Variants in GPC5 observed in about 807,000 individuals in gnomAD.
GPC5 encodes glypican 5, also known as glypican-5.
A neutral mutation model predicts 53.9 loss-of-function variants in GPC5; 47 were observed. The observed-to-expected ratio is 0.87, with a 90% CI of 0.69 to 1.11. The LOEUF (loss-of-function observed/expected upper bound fraction) is 1.11, where lower values mean the gene tolerates loss of function less well. Ranked by LOEUF, GPC5 falls within the 50% of genes most tolerant of loss-of-function variation. The pLI is 0.00. For missense variants in GPC5, 748 were observed against 713.1 expected (o/e 1.05, Z -0.56); for synonymous variants, 286 against 263.3 (o/e 1.09, Z -0.84).
chr13:91,516,900 C>T (rs1359586286), intron 2 of GPC5, among the ~76,000 whole-genome samples: 1 of 152,206 alleles, frequency 6.6e-6, no homozygotes, highest in South Asian at 2.1e-4. Flanking sequence ...CTTCCACCCT[C>T]TAAAGCCACA....
At chr13:92,038,933 T>A (rs965764584) in intron 6 of GPC5, among the ~76,000 whole-genome samples, 4 of 152,122 alleles carry the variant, frequency 2.6e-5, no homozygotes, top group Non-Finnish European at 5.9e-5. Flanking sequence ...AAACCATGTG[T>A]GTGTGTTTTC....
rs1491296731 is a variant in GPC5 at position 92,632,461 on chromosome 13, C to CATATATATATATATATAT, written c.1562-233820_1562-233819insTATATATATATATATATA. On this transcript the variant is annotated intron_variant, in intron 7 of 7. Transcript: ENST00000377067. ...TATTCTTTTGGAGGAGAAAATATTC[C>CATATATATATATATATAT]ACATATATATATATATATATATATA... Among the ~76,000 whole-genome samples, 21 of 58,094 alleles carry CATATATATATATATATAT rather than the reference C, an allele frequency of 3.6e-4. 1 individual carries two copies. The highest frequency in any genetic ancestry group is 6.8e-4 in the African/African-American group (19 of 28,000). The allele number at this position is 58,094 out of a possible 152,430, so 38.1% of individuals were successfully genotyped here. A position where few individuals can be genotyped will look rare whatever the true frequency, so the allele number is the denominator to read the frequency against.
chr13:91,711,442 C>T (rs1196189321), intron 3 of GPC5, among the ~76,000 whole-genome samples: 7 of 138,960 alleles, frequency 5.0e-5, no homozygotes, highest in African/African-American at 1.1e-4. Context: ...CATCACACAC[C>T]GGGGCCTGTC....
At chr13:92,354,619 A>G (rs1386163024) in intron 7 of GPC5, among the ~76,000 whole-genome samples, 1 of 152,224 alleles carries the variant, frequency 6.6e-6, no homozygotes, top group Non-Finnish European at 1.5e-5. Context: ...ACAAACATAT[A>G]AAACTAGATA....
chr13:91,894,616 A>G (rs918170064), intron 5 of GPC5, among the ~76,000 whole-genome samples: 7 of 152,136 alleles, frequency 4.6e-5, no homozygotes, highest in African/African-American at 1.7e-4. Context: ...ATAAGTTTGG[A>G]TTGGCATTTT....
chr13:92,833,338 G>C (rs552698107), intron 7 of GPC5, among the ~76,000 whole-genome samples: 1 of 152,072 alleles, frequency 6.6e-6, no homozygotes, highest in Admixed American at 6.6e-5. Flanking sequence ...AGATGATAGC[G>C]TAACACCCAA....
chr13:91,760,807 A>T (rs896533969), intron 5 of GPC5, among the ~76,000 whole-genome samples: 2 of 152,222 alleles, frequency 1.3e-5, no homozygotes, highest in African/African-American at 4.8e-5. Context: ...TTGTGATTGT[A>T]GATGAAAATG....
chr13:92,680,918 T>C (rs1566361064), intron 7 of GPC5, among the ~76,000 whole-genome samples: 1 of 152,124 alleles, frequency 6.6e-6, no homozygotes, highest in Non-Finnish European at 1.5e-5. Context: ...ATCCAACTGC[T>C]TATTTATCTT....
At chr13:92,423,284 T>G (rs1876666131) in intron 7 of GPC5, among the ~76,000 whole-genome samples, 1 of 152,204 alleles carries the variant, frequency 6.6e-6, no homozygotes, top group South Asian at 2.1e-4. Flanking sequence ...TTGCAACACT[T>G]ACGAAAACAT....
intron 7 of GPC5, among the ~76,000 whole-genome samples, chr13:92,521,603 T>C (rs954539695): frequency 6.6e-6 from 1 of 152,214 alleles, no homozygotes; most frequent in African/African-American, 2.4e-5. Flanking sequence ...ATTCCCTTCC[T>C]CACACCTTAT....
At chr13:92,068,072 G>A (rs2041181105) in intron 6 of GPC5, among the ~76,000 whole-genome samples, 1 of 151,808 alleles carries the variant, frequency 6.6e-6, no homozygotes, top group South Asian at 2.1e-4. Flanking sequence ...ATCATTCTTA[G>A]GTGCCTGCTG....
chr13:92,370,715 G>T (rs529912509), intron 7 of GPC5, among the ~76,000 whole-genome samples: 1 of 152,054 alleles, frequency 6.6e-6, no homozygotes, highest in Admixed American at 6.5e-5. Context: ...TACATTGAAT[G>T]TATCATGACT....
At chr13:92,681,857 A>G (rs1295079802) in intron 7 of GPC5, among the ~76,000 whole-genome samples, 2 of 152,194 alleles carry the variant, frequency 1.3e-5, no homozygotes, top group Non-Finnish European at 2.9e-5. Context: ...GGTGGAATTC[A>G]GTCTTCACCT....
At chr13:92,843,607 G>C (rs1878503906) in intron 7 of GPC5, among the ~76,000 whole-genome samples, 1 of 152,110 alleles carries the variant, frequency 6.6e-6, no homozygotes, top group Non-Finnish European at 1.5e-5. Context: ...AGATCACAAA[G>C]AGCAAACAAA....
chr13:92,003,361 A>G (rs915003151), intron 6 of GPC5, among the ~76,000 whole-genome samples: 2 of 151,878 alleles, frequency 1.3e-5, no homozygotes, highest in African/African-American at 2.4e-5. Flanking sequence ...AAATGTTTTA[A>G]AAAAGAAAAT....
At chr13:92,732,151 G>A (rs1377026575) in intron 7 of GPC5, among the ~76,000 whole-genome samples, 9 of 151,516 alleles carry the variant, frequency 5.9e-5, no homozygotes, top group African/African-American at 2.2e-4. Flanking sequence ...AAAAGAACAG[G>A]TATTCCTCTC....
At chr13:91,489,036 T>C (rs1451129094) in intron 2 of GPC5, among the ~76,000 whole-genome samples, 1 of 152,204 alleles carries the variant, frequency 6.6e-6, no homozygotes, top group Non-Finnish European at 1.5e-5. Flanking sequence ...TCCCACCTAA[T>C]AAATTTTGGT....
chr13:92,405,845 A>T (rs904276441), intron 7 of GPC5, among the ~76,000 whole-genome samples: 50 of 152,198 alleles, frequency 3.3e-4, no homozygotes, highest in African/African-American at 1.2e-3. Flanking sequence ...TTAGGCACAA[A>T]TAGTTAAGAA....
chr13:92,745,141 A>G (rs992278471), intron 7 of GPC5, among the ~76,000 whole-genome samples: 31 of 152,098 alleles, frequency 2.0e-4, no homozygotes, highest in Non-Finnish European at 4.3e-4. Flanking sequence ...CCAAAATTTC[A>G]TATTTTGGTT....
Sources: gnomAD v4.1 joint callset for allele counts (sites outside exome capture counted in the v4.1 genomes callset) on GRCh38, gnomAD v4.1.1 for gene constraint, MANE v1.5 for transcripts, NCBI Gene and HGNC (gene_info 2026-07-23, HGNC 2026-07-21) for gene names.